KMT2A: variants seen among roughly 807,000 people sequenced by gnomAD.
KMT2A encodes the protein lysine methyltransferase 2A.
In KMT2A, 16 loss-of-function variants were observed where a neutral mutation model predicts 345.3. The ratio of observed to expected loss-of-function variants is 0.05; its 90% CI spans 0.03 to 0.07. The LOEUF (loss-of-function observed/expected upper bound fraction) is 0.07, where lower values mean the gene tolerates loss of function less well. KMT2A is among the 10% of genes least tolerant of loss of function. The pLI is 1.00. For missense variants in KMT2A, 3,272 were observed against 4,841.6 expected, an observed-to-expected ratio of 0.68 and a Z score of 9.62; for synonymous variants, 1,599 against 1,778.6, an observed-to-expected ratio of 0.90 and a Z score of 2.54.
At chr11:118,483,875 T>A (rs1950185432) in intron 8 of KMT2A, among the ~76,000 whole-genome samples, 1 of 151,880 alleles carries the variant, frequency 6.6e-6, no homozygotes, top group South Asian at 2.1e-4. Flanking sequence ...CTATAAAAAA[T>A]TTAAAAATCA....
intron 1 of KMT2A, among the ~76,000 whole-genome samples, chr11:118,441,083 C>T (rs903003429): frequency 6.6e-6 from 1 of 151,988 alleles, no homozygotes; most frequent in Admixed American, 6.6e-5. Flanking sequence ...ATTATGATTC[C>T]TTTCTGTTGT....
Position 118,498,109 on chromosome 11 carries a change from C to G in KMT2A, c.5802+36C>G. On this transcript the variant is annotated intron_variant, in intron 21 of 35. Coordinates refer to ENST00000534358, the MANE Select transcript of KMT2A (RefSeq NM_001197104.2). The surrounding 1 kb of genome is among the most constrained non-coding windows in gnomAD (Gnocchi z 4.4). Reference sequence around the variant, plus strand: ...ATGGGTAAATTTTATGAAAGAGATTCCCTCTCAGTTTCCAGATATTCTTCC... The same window carrying G: ...ATGGGTAAATTTTATGAAAGAGATTGCCTCTCAGTTTCCAGATATTCTTCC... 6.2e-7 allele frequency: 1 copy of G among 1,604,294 alleles called. No individual in the cohort carries two copies. The highest frequency in any genetic ancestry group is 8.5e-7 in the Non-Finnish European group (1 of 1,173,018).
At position 118,473,867 on chromosome 11, in the gene KMT2A, C is replaced by T; in HGVS notation, c.2708C>T (p.Ser903Phe). 1 of 1,614,180 alleles carries T rather than the reference C, an allele frequency of 6.2e-7. No homozygotes were observed. Among genetic ancestry groups the T allele is most frequent in the African/African-American group, 1.3e-5 (1 of 75,042 alleles). The part of the protein sequence containing the change: ...RKKGSEIQSS[S>F]ALYPVGRVSK... ...AAGGGATCAGAAATTCAGAGTAGTT[C>T]TGCTTTGTATCCTGTGGGTAGGGTT... The change falls in exon 3 of 36, where the codon TCT becomes TTT. Residue 903 changes from serine to phenylalanine, a missense_variant. Physicochemically the swap from Ser to Phe is radical, Grantham distance 155. Around this residue, in one of 27 missense-constraint regions of KMT2A, gnomAD observed 209 missense variants for 237.4 expected, o/e 0.88. Transcript: ENST00000534358. This position sits in a 1 kb window ranked among gnomAD's most constrained non-coding sequence, Gnocchi z 5.2.
chr11:118,479,252 T>C (rs1352368244), intron 5 of KMT2A, among the ~76,000 whole-genome samples: 4 of 152,250 alleles, frequency 2.6e-5, no homozygotes, highest in African/African-American at 9.6e-5. Flanking sequence ...ATTTTTTATG[T>C]GGAAATTTTT....
At position 118,484,749 on chromosome 11, in the gene KMT2A, A is replaced by G; in HGVS notation, c.4219-113A>G. On this transcript the variant is annotated intron_variant, in intron 9 of 35. Transcript: ENST00000534358. The surrounding 1 kb of genome is among the most constrained non-coding windows in gnomAD (Gnocchi z 4.1). ...AGCAGTTATTTTTGGACTCATTGAA[A>G]TGAAATACTCTGACATTGTGATGTC... 1 of 740,380 alleles carries G rather than the reference A, an allele frequency of 1.4e-6. No individual in the cohort carries two copies. The highest frequency in any genetic ancestry group is 2.4e-6 in the Non-Finnish European group (1 of 423,018). The allele number at this position is 740,380 out of a possible 1,614,324, so 45.9% of individuals were successfully genotyped here. A position where few individuals can be genotyped will look rare whatever the true frequency, so the allele number is the denominator to read the frequency against.
In KMT2A at chr11:118,482,021, C is replaced by T. The variant is rs150277124; in HGVS notation, c.3941C>T (p.Pro1314Leu). 15 of 1,613,952 alleles carry T rather than the reference C, an allele frequency of 9.3e-6. No homozygotes were observed. The highest frequency in any genetic ancestry group is 2.2e-5 in the East Asian group (1 of 44,894). The change falls in exon 7 of 36, where the codon CCG (proline) becomes CTG (leucine). Residue 1314 changes from proline to leucine, a missense_variant. Coordinates refer to ENST00000534358, the MANE Select transcript of KMT2A (RefSeq NM_001197104.2). Reference sequence around the variant, plus strand: ...CCGCCTCAGCCACCTACTACAGGACCGCCAAGAAAAGAAGTTCCCAAAACC... The same window carrying T: ...CCGCCTCAGCCACCTACTACAGGACTGCCAAGAAAAGAAGTTCCCAAAACC... ...VIPPQPPTTG[P>L]PRKEVPKTTP...
intron 1 of KMT2A, among the ~76,000 whole-genome samples, chr11:118,443,578 G>A (rs886122537): frequency 1.3e-5 from 2 of 152,214 alleles, no homozygotes; most frequent in Admixed American, 6.5e-5. Flanking sequence ...AAGAGGCCAA[G>A]CTTGGTTTAA....
chr11:118,453,388 A>G (rs1555029629), intron 1 of KMT2A, among the ~76,000 whole-genome samples: 1 of 146,142 alleles, frequency 6.8e-6, no homozygotes, highest in Non-Finnish European at 1.5e-5. Flanking sequence ...CCAGCTGACC[A>G]CTCCCTTCTT....
intron 1 of KMT2A, among the ~76,000 whole-genome samples, chr11:118,443,009 A>G (rs1249677854): frequency 1.3e-5 from 2 of 152,110 alleles, no homozygotes; most frequent in South Asian, 2.1e-4. Flanking sequence ...TTGTCATTTC[A>G]TTGGTTGTTG....
chr11:118,513,239 G>C (rs1457635679), intron 31 of KMT2A, among the ~76,000 whole-genome samples: 1 of 151,708 alleles, frequency 6.6e-6, no homozygotes, highest in African/African-American at 2.4e-5. Flanking sequence ...TAAATACTTT[G>C]TCACAAAAAA....
chr11:118,499,715 G>A (rs1267386275), intron 23 of KMT2A, 120 bp from the exon 24 acceptor site: 3 of 752,850 alleles, frequency 4.0e-6, no homozygotes, highest in Non-Finnish European at 6.9e-6. Flanking sequence ...CGGAGGCAGA[G>A]GCTGCAGTGA....
In KMT2A at chr11:118,506,005, G is replaced by T. The variant is rs369292004; in HGVS notation, c.10113G>T (p.Arg3371Ser). The stretch of plus-strand genomic sequence containing the variant: ...GACACGTCACCTTAACCAACCCAAG[G>T]TTGCTTGGTACCCCAGATATTGGCT... ...VPGHVTLTNP[R>S]LLGTPDIGSI... The change falls in exon 27 of 36, where the codon AGG (arginine) becomes AGT (serine). Residue 3371 changes from arginine to serine, a missense_variant. Arg to Ser is a moderately radical substitution (Grantham distance 110, BLOSUM62 -1). Around this residue, in one of 27 missense-constraint regions of KMT2A, gnomAD observed 748 missense variants for 922.2 expected, o/e 0.81. Transcript: ENST00000534358. The T allele has an allele frequency of 1.2e-6, 2 of 1,613,996 alleles. No individual in the cohort carries two copies. The highest frequency in any genetic ancestry group is 1.7e-6 in the Non-Finnish European group (2 of 1,180,028).
At chr11:118,507,442 T>C (rs1247350180) in intron 27 of KMT2A, 87 bp from the exon 28 acceptor site, 7 of 1,146,274 alleles carry the variant, frequency 6.1e-6, no homozygotes, top group Middle Eastern at 1.9e-4. Flanking sequence ...CAGATCCTGA[T>C]AGAGCCATTT....
At position 118,474,066 on chromosome 11, in the gene KMT2A, G is replaced by A. The variant is rs1221182103; in HGVS notation, c.2907G>A (p.Leu969=). 6.2e-7 allele frequency: 1 copy of A among 1,613,442 alleles called. No homozygotes were observed. The highest frequency in any genetic ancestry group is 1.3e-5 in the African/African-American group (1 of 74,796). Residue 969 remains leucine, a synonymous_variant, in exon 3 of 36, where the codon CTG becomes CTA. Transcript: ENST00000534358. ...KILIKKGRGN[L]EKTNLDLGPT... The stretch of plus-strand genomic sequence containing the variant: ...TTATAAAGAAAGGGAGAGGAAATCT[G>A]GAAAAAACCAACTTGGACCTCGGCC...
Position 118,477,981 on chromosome 11 carries a change from G to A in KMT2A, c.3349G>A (p.Ala1117Thr). ...TTCTTTAACAGACAAGTCATCAATT[G>A]CTGGCTCAGAAGATGCTGAACCTCT... is the stretch of plus-strand genomic sequence containing the variant. ...SMGNDDKSSIAGSEDAEPLAP... is the reference protein window; with the variant it reads ...SMGNDDKSSITGSEDAEPLAP... The change falls in exon 5 of 36, where the codon GCT becomes ACT. Residue 1117 changes from alanine to threonine, a missense_variant. Physicochemically the swap from Ala to Thr is moderately conservative, Grantham distance 58. This residue lies in a region of KMT2A where 33 missense variants were observed against 46.5 expected (regional missense o/e 0.71). Transcript: ENST00000534358. The A allele has an allele frequency of 1.9e-6, 3 of 1,613,990 alleles. No homozygotes were observed. Among genetic ancestry groups the A allele is most frequent in the Non-Finnish European group, 2.5e-6 (3 of 1,179,980 alleles).
intron 2 of KMT2A, among the ~76,000 whole-genome samples, chr11:118,469,684 G>A (rs1459314501): frequency 2.0e-5 from 3 of 152,014 alleles, no homozygotes; most frequent in African/African-American, 7.2e-5. Context: ...CTTCATATAT[G>A]GTTTTCTTTG....
rs782372027 is a variant in KMT2A, at chr11:118,481,893, T to C, written c.3813T>C (p.Ser1271=). ...PPPRKPVEEK[S]EEGNVSAPGP... ...CACGAAAGCCCGTCGAGGAAAAGAG[T>C]GAAGAAGGGAATGTCTCGGCCCCTG... Residue 1271 remains serine (S), a synonymous_variant, in exon 7 of 36, where the codon AGT becomes AGC. Coordinates refer to ENST00000534358, the MANE Select transcript of KMT2A (RefSeq NM_001197104.2). The C allele has an allele frequency of 6.2e-7, 1 of 1,612,156 alleles. No individual in the cohort carries two copies. The highest frequency in any genetic ancestry group is 1.3e-5 in the African/African-American group (1 of 74,218).
intron 1 of KMT2A, among the ~76,000 whole-genome samples, chr11:118,445,475 C>G (rs1949399556): frequency 6.6e-6 from 1 of 152,126 alleles, no homozygotes; most frequent in Admixed American, 6.5e-5. Flanking sequence ...CTTCAGGGTT[C>G]TTGGGCTCCA....
In KMT2A at chr11:118,523,621, C is replaced by T. The variant is rs1184435261; in HGVS notation, c.*1449C>T. 4.4e-6 allele frequency: 1 copy of T among 228,276 alleles called. No individual in the cohort carries two copies. The highest frequency in any genetic ancestry group is 8.7e-6 in the Non-Finnish European group (1 of 114,792). 14.1% of individuals were successfully genotyped at this position (228,276 alleles called of 1,614,324 possible). On this transcript the variant is annotated 3_prime_UTR_variant, in exon 36 of 36. Transcript: ENST00000534358. ...GAGAAGCACTTCATAGGGAGAAGCACTTATGACAAGGCTATTTTTTAAACC... is the reference window on the plus strand; with the variant it reads ...GAGAAGCACTTCATAGGGAGAAGCATTTATGACAAGGCTATTTTTTAAACC...
Sources: gnomAD v4.1 joint callset for allele counts (sites outside exome capture counted in the v4.1 genomes callset) on GRCh38, gnomAD v4.1.1 for gene constraint, gnomAD v4.1.1 regional missense constraint, Gnocchi (gnomAD v3.1) non-coding constraint, MANE v1.5 for transcripts, NCBI Gene and HGNC (gene_info 2026-07-23, HGNC 2026-07-21) for gene names.